ZFP64: variants seen among roughly 807,000 people sequenced by gnomAD.
The protein encoded by ZFP64 is zinc finger protein 64.
In ZFP64, 14 loss-of-function variants were observed where a neutral mutation model predicts 51.6. The ratio of observed to expected loss-of-function variants is 0.27; its 90% CI spans 0.18 to 0.42. ZFP64 has a LOEUF of 0.42. Ranked by LOEUF, ZFP64 falls within the 10% of genes least tolerant of loss-of-function variation. ZFP64 has a pLI of 1.00. For synonymous variants in ZFP64, 375 were observed against 361.4 expected (o/e 1.04, Z -0.43); for missense variants, 754 against 906.8 (o/e 0.83, Z 2.16).
chr20:52,153,608 A>ACGTTTGGGTGAT lies in ZFP64; in HGVS notation c.764-181_764-180insATCACCCAAACG, dbSNP rs1369088094. On this transcript the variant is annotated intron_variant, in intron 5 of 5. Coordinates refer to ENST00000216923, the MANE Select transcript of ZFP64 (RefSeq NM_018197.3). The surrounding 1 kb of genome is among the most constrained non-coding windows in gnomAD (Gnocchi z 5.1). ...GCAGGGCGTCTTTATCTTTCCCCGGAACCCAAACCACCACCACCGGTATCA... is the reference window on the plus strand; with the variant it reads ...GCAGGGCGTCTTTATCTTTCCCCGGACGTTTGGGTGATACCCAAACCACCACCACCGGTATCA... 6.6e-6 allele frequency among the ~76,000 whole-genome samples: 1 copy of ACGTTTGGGTGAT among 152,170 alleles called. No homozygotes were observed. The highest frequency in any genetic ancestry group is 2.4e-5 in the African/African-American group (1 of 41,442).
At chr20:52,093,696 T>C (rs2078954144) in intron 7 of ZFP64, among the ~76,000 whole-genome samples, 1 of 152,226 alleles carries the variant, frequency 6.6e-6, no homozygotes, top group Non-Finnish European at 1.5e-5. Flanking sequence ...TTAGGGTAGT[T>C]AATATGCTAG....
chr20:52,137,933 T>A (rs985295279), intron 5 of ZFP64, among the ~76,000 whole-genome samples: 1 of 151,940 alleles, frequency 6.6e-6, no homozygotes, highest in Non-Finnish European at 1.5e-5. Flanking sequence ...CCCAGCACTC[T>A]GGGAGGCAAA....
At chr20:52,086,700 G>A (rs953088399) in intron 8 of ZFP64, among the ~76,000 whole-genome samples, 4 of 151,990 alleles carry the variant, frequency 2.6e-5, no homozygotes, top group South Asian at 4.2e-4. Context: ...GGATGGTTTC[G>A]ATCTCCTGAC....
intron 5 of ZFP64, among the ~76,000 whole-genome samples, chr20:52,098,847 C>G (rs955417401): frequency 2.6e-5 from 4 of 151,750 alleles, no homozygotes; most frequent in African/African-American, 4.8e-5. Flanking sequence ...ACTAAAAATA[C>G]AAGAATCAGC....
Position 52,160,074 on chromosome 20 carries a change from T to G in ZFP64, c.763+49A>C. On this transcript the variant is annotated intron_variant, in intron 5 of 5. Coordinates refer to ENST00000216923, the MANE Select transcript of ZFP64 (RefSeq NM_018197.3). This position sits in a 1 kb window ranked among gnomAD's most constrained non-coding sequence, Gnocchi z 4.2. Reference sequence around the variant, plus strand: ...AATGCTTTAAGGTGCTTATGATTTATGCCATAGAAAGTGAGGAGCGTAGAG... The same window carrying G: ...AATGCTTTAAGGTGCTTATGATTTAGGCCATAGAAAGTGAGGAGCGTAGAG... 6.2e-7 allele frequency: 1 copy of G among 1,612,866 alleles called. No homozygotes were observed. The highest frequency in any genetic ancestry group is 8.5e-7 in the Non-Finnish European group (1 of 1,179,558).
Position 52,153,152 on chromosome 20 carries a change from T to G in ZFP64, c.1040A>C (p.Glu347Ala), listed in dbSNP as rs746537962. 1 of 1,614,192 alleles carries G rather than the reference T, an allele frequency of 6.2e-7. No homozygotes were observed. The highest frequency in any genetic ancestry group is 1.7e-5 in the Admixed American group (1 of 60,024). The change falls in exon 6 of 6, where the codon GAA (glutamate) becomes GCA (alanine). Residue 347 changes from glutamate (E) to alanine (A), a missense_variant. Physicochemically the swap from Glu to Ala is moderately radical, Grantham distance 107 (BLOSUM62 -1). Around this residue, in one of 3 missense-constraint regions of ZFP64, gnomAD observed 428 missense variants for 472.4 expected, o/e 0.91. Coordinates refer to ENST00000216923, the MANE Select transcript of ZFP64 (RefSeq NM_018197.3). The surrounding 1 kb of genome is among the most constrained non-coding windows in gnomAD (Gnocchi z 5.1). ...HQSEHPEKCSECSYSCSSKAA... is the reference protein window; with the variant it reads ...HQSEHPEKCSACSYSCSSKAA... ...CTTGCTGGAGCAGGAGTAGCTGCAT[T>G]CCGAGCACTTCTCAGGATGCTCCGA...
At chr20:52,176,482 T>A (rs1488657151) in intron 2 of ZFP64, among the ~76,000 whole-genome samples, 1 of 151,856 alleles carries the variant, frequency 6.6e-6, no homozygotes, top group Non-Finnish European at 1.5e-5. Flanking sequence ...CCTAAAATAT[T>A]TCTAGCTTCT....
Position 52,152,773 on chromosome 20 carries a change from C to T in ZFP64, c.1419G>A (p.Thr473=), listed in dbSNP as rs756259781. The T allele has an allele frequency of 1.6e-5, 25 of 1,602,670 alleles. No individual in the cohort carries two copies. The highest frequency in any genetic ancestry group is 2.0e-5 in the Non-Finnish European group (24 of 1,172,758). The change falls in exon 6 of 6, where the codon ACG becomes ACA. Residue 473 remains threonine, a synonymous_variant. Transcript: ENST00000216923. The part of the protein sequence containing the change: ...FQIDPSKQPA[T]PLTVGHLQVP... ...CCTGGAGGTGTCCCACAGTGAGGGG[C>T]GTGGCGGGCTGCTTGCTGGGGTCGA...
At chr20:52,161,004 GTGAGGGCAGGTGAGTGAGCAGC>G (rs1291918137) in intron 4 of ZFP64, among the ~76,000 whole-genome samples, 1 of 151,982 alleles carries the variant, frequency 6.6e-6, no homozygotes, top group Non-Finnish European at 1.5e-5. Flanking sequence ...GAGTGAGCAG[GTGAGGGCAGGTGAGTGAGCAGC>G]TGAGGGTGGC....
At chr20:52,171,480 ATTTGGGT>A (rs1982721910) in intron 2 of ZFP64, among the ~76,000 whole-genome samples, 1 of 151,846 alleles carries the variant, frequency 6.6e-6, no homozygotes, top group Admixed American at 6.6e-5. Context: ...CCTTGGACCA[ATTTGGGT>A]GTTTTATTTC....
In ZFP64 at chr20:52,110,698, A is replaced by T; in HGVS notation, c.764-12111T>A. 3 of 1,563,300 alleles carry T rather than the reference A, an allele frequency of 1.9e-6. No individual in the cohort carries two copies. The South Asian group carries it at 3.6e-5, about 19-fold the overall frequency. On this transcript the variant is annotated intron_variant, in intron 5 of 8. Coordinates refer to the ZFP64 transcript ENST00000361387. ...AGCTAGCTAGACCCCTTGCCCCTTC[A>T]GCCAGCGCTGGATGGCTCCAACCTT...
At chr20:52,095,147 GAC>G (rs1440289381) in intron 7 of ZFP64, among the ~76,000 whole-genome samples, 1 of 152,238 alleles carries the variant, frequency 6.6e-6, no homozygotes, top group Non-Finnish European at 1.5e-5. Flanking sequence ...GACACACGCT[GAC>G]CTTTCCCCTC....
chr20:52,178,695 A>T (rs1777827513), intron 2 of ZFP64, among the ~76,000 whole-genome samples: 1 of 140,170 alleles, frequency 7.1e-6, no homozygotes, highest in Admixed American at 7.4e-5. Context: ...CCTCCAAACC[A>T]CCATTAGGAA....
chr20:52,106,307 AT>A (rs1265076223), intron 5 of ZFP64, among the ~76,000 whole-genome samples: 1 of 152,202 alleles, frequency 6.6e-6, no homozygotes, highest in African/African-American at 2.4e-5. Flanking sequence ...AGCCACCTAC[AT>A]CCCCCAGGTG....
intron 5 of ZFP64, among the ~76,000 whole-genome samples, chr20:52,156,020 C>T (rs6021752): frequency 2.6e-5 from 4 of 152,302 alleles, no homozygotes; most frequent in African/African-American, 9.6e-5. Flanking sequence ...TTGAAAAACA[C>T]ACCTTTTCTA....
intron 2 of ZFP64, among the ~76,000 whole-genome samples, chr20:52,183,022 C>T (rs377210927): frequency 6.6e-6 from 1 of 152,190 alleles, no homozygotes; most frequent in South Asian, 2.1e-4. Flanking sequence ...AAGTCCAGCT[C>T]TGACATAAGA....
At chr20:52,173,655 T>C in intron 2 of ZFP64, among the ~76,000 whole-genome samples, 1 of 151,950 alleles carries the variant, frequency 6.6e-6, no homozygotes, top group Non-Finnish European at 1.5e-5. Flanking sequence ...CTTTTTTTTT[T>C]TTCTTTTTTT....
Position 52,085,356 on chromosome 20 carries a change from G to T in ZFP64, c.1229-90C>A. On this transcript the variant is annotated intron_variant, in intron 8 of 8. Transcript: ENST00000361387. The surrounding 1 kb of genome is among the most constrained non-coding windows in gnomAD (Gnocchi z 4.3). Reference sequence around the variant, plus strand: ...GCCTTAGCACACTTGGCCGCCATGAGATGGTTGGGTTTTGTGAACTCTAAA... The same window carrying T: ...GCCTTAGCACACTTGGCCGCCATGATATGGTTGGGTTTTGTGAACTCTAAA... 7.2e-7 allele frequency: 1 copy of T among 1,387,248 alleles called. No homozygotes were observed. The highest frequency in any genetic ancestry group is 9.7e-7 in the Non-Finnish European group (1 of 1,033,962). 85.9% of individuals were successfully genotyped at this position (1,387,248 alleles called of 1,614,324 possible).
chr20:52,114,048 C>A (rs188049720), intron 5 of ZFP64, among the ~76,000 whole-genome samples: 1 of 152,226 alleles, frequency 6.6e-6, no homozygotes, highest in East Asian at 1.9e-4. Flanking sequence ...ACAGCAAAGA[C>A]TCTTTTAAGC....
Sources: gnomAD v4.1 joint callset for allele counts (sites outside exome capture counted in the v4.1 genomes callset) on GRCh38, gnomAD v4.1.1 for gene constraint, gnomAD v4.1.1 regional missense constraint, Gnocchi (gnomAD v3.1) non-coding constraint, MANE v1.5 for transcripts, NCBI Gene and HGNC (gene_info 2026-07-23, HGNC 2026-07-21) for gene names.